The following SAMHD1 variants were observed in gnomAD, a reference collection of about 807,000 sequenced individuals.
SAMHD1 encodes SAM and HD domain containing deoxynucleoside triphosphate triphosphohydrolase 1.
A neutral mutation model predicts 79.6 loss-of-function variants in SAMHD1; 54 were observed. The observed-to-expected ratio is 0.68, with a 90% CI of 0.55 to 0.85. The LOEUF is 0.85. SAMHD1 is among the 40% of genes least tolerant of loss of function. The pLI, the probability that SAMHD1 is intolerant of heterozygous loss-of-function variation, is 0.00. For missense variants in SAMHD1, 663 were observed against 782.7 expected, an observed-to-expected ratio of 0.85 and a Z score of 1.82; for synonymous variants, 260 against 264.1, an observed-to-expected ratio of 0.98 and a Z score of 0.15.
chr20:36,906,865 C>T (rs1601120911), intron 11 of SAMHD1, among the ~76,000 whole-genome samples: 1 of 151,566 alleles, frequency 6.6e-6, no homozygotes, highest in East Asian at 1.9e-4. Context: ...GATCTTGGCT[C>T]ACTGCAACCT....
intron 6 of SAMHD1, among the ~76,000 whole-genome samples, chr20:36,923,774 C>T (rs1360039047): frequency 1.3e-5 from 2 of 151,864 alleles, no homozygotes; most frequent in Non-Finnish European, 2.9e-5. Context: ...CATAGTAAGA[C>T]TCTGTTCTCC....
At chr20:36,940,472 G>T in intron 3 of SAMHD1, 1 of 156,128 alleles carries the variant, frequency 6.4e-6, no homozygotes, top group Non-Finnish European at 1.4e-5. Context: ...GCCAAGGCAG[G>T]TCAATCTCTT....
At position 36,892,909 on chromosome 20, in the gene SAMHD1, T is replaced by C; in HGVS notation, c.*23A>G. On this transcript the variant is annotated 3_prime_UTR_variant, in exon 16 of 16. Transcript: ENST00000646673. Reference sequence around the variant, plus strand: ...AATGAATTGTGCAGGAGAGGGAGTTTGTAAACAACTGACTACAGACATTCA... The same window carrying C: ...AATGAATTGTGCAGGAGAGGGAGTTCGTAAACAACTGACTACAGACATTCA... 1 of 1,613,982 alleles carries C rather than the reference T, an allele frequency of 6.2e-7. No individual in the cohort carries two copies. The highest frequency in any genetic ancestry group is 8.5e-7 in the Non-Finnish European group (1 of 1,179,926).
At chr20:36,896,620 A>G (rs999813231) in intron 15 of SAMHD1, among the ~76,000 whole-genome samples, 10 of 151,948 alleles carry the variant, frequency 6.6e-5, no homozygotes, top group African/African-American at 2.4e-4. Flanking sequence ...GCGGATCACG[A>G]GGTCAGGAGA....
At chr20:36,947,551 G>GGTGTGTGTGT (rs71186095) in intron 1 of SAMHD1, among the ~76,000 whole-genome samples, 1,096 of 75,718 alleles carry the variant, frequency 0.014, 57 homozygotes, top group Non-Finnish European at 0.02. Context: ...TTGGAAGAGG[G>GGTGTGTGTGT]GTGTGTGTGT....
chr20:36,927,421 G>A (rs1242943139), intron 5 of SAMHD1, among the ~76,000 whole-genome samples, 169 bp from the exon 6 acceptor site: 2 of 150,668 alleles, frequency 1.3e-5, no homozygotes, highest in Non-Finnish European at 2.9e-5. Flanking sequence ...GGGTTCAAGC[G>A]ATTCTCCTGC....
At chr20:36,916,379 C>T (rs2063475465) in intron 9 of SAMHD1, among the ~76,000 whole-genome samples, 1 of 151,758 alleles carries the variant, frequency 6.6e-6, no homozygotes, top group South Asian at 2.1e-4. Flanking sequence ...CACCTGTAGT[C>T]CCAGCTACTT....
At position 36,951,580 on chromosome 20, in the gene SAMHD1, G is replaced by A. The variant is rs772335453; in HGVS notation, c.64C>T (p.Pro22Ser). ...GCCTCTGCGGAAGGGGTGTTTGAGG[G>A]GGTTCTCGGGCTGTCATCGCAACGG... ...RPRCDDSPRT[P>S]SNTPSAEADW... is the part of the protein sequence containing the mutation. The change falls in exon 1 of 16, where the codon CCC becomes TCC. Residue 22 changes from proline to serine, a missense_variant. Physicochemically the swap from Pro to Ser is moderately conservative, Grantham distance 74 (BLOSUM62 -1). Coordinates refer to ENST00000646673, the MANE Select transcript of SAMHD1 (RefSeq NM_015474.4). The A allele has an allele frequency of 3.1e-6, 5 of 1,614,066 alleles. No homozygotes were observed. The East Asian group carries it at 1.1e-4, about 36-fold the overall frequency.
chr20:36,920,959 G>A (rs949168055), intron 6 of SAMHD1, among the ~76,000 whole-genome samples: 2 of 150,662 alleles, frequency 1.3e-5, no homozygotes, highest in Non-Finnish European at 3.0e-5. Context: ...AGTGACATGC[G>A]CCTGTGGTCC....
At chr20:36,899,414 C>T (rs1386517649) in intron 13 of SAMHD1, among the ~76,000 whole-genome samples, 2 of 152,006 alleles carry the variant, frequency 1.3e-5, no homozygotes, top group Non-Finnish European at 2.9e-5. Flanking sequence ...GGCAACAGAG[C>T]AAGACTCTGC....
intron 11 of SAMHD1, among the ~76,000 whole-genome samples, chr20:36,907,306 T>C (rs1203244414): frequency 6.6e-6 from 1 of 150,700 alleles, no homozygotes; most frequent in East Asian, 2.0e-4. Flanking sequence ...GTTGTCAGGC[T>C]GGAGTGAAGT....
At chr20:36,928,459 G>T (rs1411663682) in intron 5 of SAMHD1, among the ~76,000 whole-genome samples, 1 of 152,064 alleles carries the variant, frequency 6.6e-6, no homozygotes, top group Admixed American at 6.6e-5. Flanking sequence ...GGCCGAGGCG[G>T]GTAGATCACG....
intron 2 of SAMHD1, among the ~76,000 whole-genome samples, chr20:36,944,318 C>CAAA (rs34572620): frequency 1.4e-5 from 1 of 71,088 alleles, no homozygotes; most frequent in African/African-American, 5.8e-5. Flanking sequence ...GACTTCGTCT[C>CAAA]AAAAAAAAAA....
chr20:36,933,063 C>T (rs1039053013), intron 4 of SAMHD1, among the ~76,000 whole-genome samples: 1 of 152,080 alleles, frequency 6.6e-6, no homozygotes, highest in Non-Finnish European at 1.5e-5. Context: ...AGGACAGAGG[C>T]GATTGTTATC....
intron 1 of SAMHD1, 124 bp from the exon 2 acceptor site, chr20:36,946,928 G>T: frequency 1.5e-6 from 1 of 655,514 alleles, no homozygotes; most frequent in Non-Finnish European, 2.7e-6. Context: ...AATGGATTGT[G>T]CCAAGTACCA....
intron 6 of SAMHD1, among the ~76,000 whole-genome samples, chr20:36,922,094 G>C (rs1837880705): frequency 6.6e-6 from 1 of 152,136 alleles, no homozygotes; most frequent in Non-Finnish European, 1.5e-5. Context: ...AAATAGCTCA[G>C]TTGCTCTTTA....
At chr20:36,945,104 T>C (rs937355902) in intron 2 of SAMHD1, among the ~76,000 whole-genome samples, 1 of 152,182 alleles carries the variant, frequency 6.6e-6, no homozygotes. Flanking sequence ...GAGCTTATCA[T>C]AGATCACTGC....
At chr20:36,898,353 A>T (rs1990236441) in intron 14 of SAMHD1, 87 bp downstream of exon 14, 1 of 1,040,310 alleles carries the variant, frequency 9.6e-7, no homozygotes, top group Non-Finnish European at 1.5e-6. Context: ...GATATGCCTT[A>T]AAACCTAATT....
chr20:36,911,636 C>G lies in SAMHD1; in HGVS notation c.1155-303G>C. ...GAAATGAAGTAAATTTTGATTTAAC[C>G]AAGTTAGGAAGAAACAGTGCCAGGC... On this transcript the variant is annotated intron_variant, in intron 10 of 15. Coordinates refer to ENST00000646673, the MANE Select transcript of SAMHD1 (RefSeq NM_015474.4). The G allele has an allele frequency of 1.0e-5, 3 of 294,908 alleles. No homozygotes were observed. The South Asian group carries it at 1.2e-4, about 12-fold the overall frequency. The allele number at this position is 294,908 out of a possible 1,614,324, so 18.3% of individuals were successfully genotyped here. A position where few individuals can be genotyped will look rare whatever the true frequency, so the allele number is the denominator to read the frequency against.
Sources: allele counts gnomAD v4.1 joint callset (sites outside exome capture counted in the v4.1 genomes callset), GRCh38; gene constraint gnomAD v4.1.1; transcripts MANE v1.5; gene names NCBI Gene and HGNC (gene_info 2026-07-23, HGNC 2026-07-21).